SCFD1: variants seen among roughly 807,000 people sequenced by gnomAD.
SCFD1 encodes the protein sec1 family domain containing 1, also known as sec1 family domain-containing protein 1.
SCFD1 carries 37 observed loss-of-function variants against 103.2 expected under a neutral mutation model. The observed-to-expected ratio is 0.36, with a 90% CI of 0.28 to 0.47. The LOEUF is 0.47. SCFD1 is among the 20% of genes least tolerant of loss of function. The pLI is 1.00. For synonymous variants in SCFD1, 264 were observed against 245.0 expected (o/e 1.08, Z -0.73); for missense variants, 639 against 761.2 (o/e 0.84, Z 1.89).
Position 30,735,746 on chromosome 14 carries a change from A to G in SCFD1, c.*137A>G, listed in dbSNP as rs1893800207. 1.0e-5 allele frequency: 6 copies of G among 600,028 alleles called. No homozygotes were observed. The South Asian group carries it at 1.5e-4, about 15-fold the overall frequency. The allele number at this position is 600,028 out of a possible 1,614,324, so 37.2% of individuals were successfully genotyped here. A position where few individuals can be genotyped will look rare whatever the true frequency, so the allele number is the denominator to read the frequency against. On this transcript the variant is annotated 3_prime_UTR_variant, in exon 25 of 25. Transcript: ENST00000458591. Reference sequence around the variant, plus strand: ...AATCAGAGTTATTTGTTAATTTTTAAGGAAATTATATACTTAATATGTATT... The same window carrying G: ...AATCAGAGTTATTTGTTAATTTTTAGGGAAATTATATACTTAATATGTATT...
chr14:30,647,327 A>G (rs980583770), intron 7 of SCFD1, among the ~76,000 whole-genome samples: 5 of 152,102 alleles, frequency 3.3e-5, no homozygotes, highest in African/African-American at 1.2e-4. Flanking sequence ...TAGAGAATTT[A>G]TATGCAAATT....
At chr14:30,634,921 G>A (rs1258944721) in intron 4 of SCFD1, 1 of 455,940 alleles carries the variant, frequency 2.2e-6, no homozygotes, top group Non-Finnish European at 4.4e-6. Context: ...TTTCTCACTA[G>A]GTAGAATCAG....
chr14:30,652,563 C>T lies in SCFD1; in HGVS notation c.756-926C>T, dbSNP rs528045287. Among the ~76,000 whole-genome samples, 10 of 152,242 alleles carry T rather than the reference C, an allele frequency of 6.6e-5. No homozygotes were observed. In the South Asian group the frequency reaches 2.1e-3, roughly 32 times the overall value. On this transcript the variant is annotated intron_variant, in intron 9 of 24. Transcript: ENST00000458591. Reference sequence around the variant, plus strand: ...TCAAACATTTGTGTAAATTTATAAGCTCCTACTCTTTGTTTTCCCTGAAGC... The same window carrying T: ...TCAAACATTTGTGTAAATTTATAAGTTCCTACTCTTTGTTTTCCCTGAAGC...
At chr14:30,699,858 G>C (rs1484818992) in intron 15 of SCFD1, among the ~76,000 whole-genome samples, 2 of 152,100 alleles carry the variant, frequency 1.3e-5, no homozygotes, top group Non-Finnish European at 2.9e-5. Flanking sequence ...AAAGTATCCT[G>C]TTTCAGAATT....
intron 10 of SCFD1, among the ~76,000 whole-genome samples, chr14:30,659,094 GA>G (rs1887188592): frequency 6.6e-6 from 1 of 150,810 alleles, no homozygotes; most frequent in Non-Finnish European, 1.5e-5. Context: ...TGCTGTGTCT[GA>G]ACTTGGATTG....
At chr14:30,717,620 G>A (rs937894066) in intron 20 of SCFD1, among the ~76,000 whole-genome samples, 6 of 152,030 alleles carry the variant, frequency 3.9e-5, no homozygotes, top group African/African-American at 1.4e-4. Context: ...AGCATTTTGC[G>A]GTGGTTCAAG....
chr14:30,683,382 T>A, intron 14 of SCFD1: 1 of 543,182 alleles, frequency 1.8e-6, no homozygotes, highest in East Asian at 4.1e-5. Flanking sequence ...CCTCAGGTCT[T>A]CATATATTGT....
At chr14:30,667,868 G>C (rs1294849573) in intron 10 of SCFD1, among the ~76,000 whole-genome samples, 1 of 152,082 alleles carries the variant, frequency 6.6e-6, no homozygotes, top group Admixed American at 6.5e-5. Flanking sequence ...CCTCTTCAAG[G>C]AGAACTACAA....
chr14:30,722,782 T>C (rs1892741548), intron 23 of SCFD1: 1 of 320,446 alleles, frequency 3.1e-6, no homozygotes, highest in African/African-American at 2.1e-5. Context: ...ATCTTATTGA[T>C]ATAATGCACT....
intron 14 of SCFD1, among the ~76,000 whole-genome samples, chr14:30,692,899 C>T (rs1376958817): frequency 6.6e-6 from 1 of 152,134 alleles, no homozygotes; most frequent in Non-Finnish European, 1.5e-5. Flanking sequence ...TATCCTTTCT[C>T]ATGTAAATTA....
At chr14:30,644,081 C>A in intron 7 of SCFD1, 2 of 435,536 alleles carry the variant, frequency 4.6e-6, no homozygotes. Flanking sequence ...CTCCCACTTA[C>A]AAGTGAGAAC....
rs1883994650 is a variant in SCFD1, at chr14:30,630,503, A to G, written c.159A>G (p.Gln53=). Residue 53 remains glutamine (Q), a synonymous_variant, in exon 3 of 25, where the codon CAA becomes CAG. Transcript: ENST00000458591. ...WKVLIYDRFG[Q]DIISPLLSVK... ...TACTCATTTATGACAGATTTGGCCA[A>G]GATATAATCTCTCCTCTGCTATCTG... 1 of 1,603,568 alleles carries G rather than the reference A, an allele frequency of 6.2e-7. No homozygotes were observed. The highest frequency in any genetic ancestry group is 1.7e-5 in the Admixed American group (1 of 59,972).
intron 10 of SCFD1, among the ~76,000 whole-genome samples, chr14:30,654,535 G>A (rs1053390911): frequency 5.3e-5 from 8 of 152,188 alleles, no homozygotes; most frequent in African/African-American, 1.2e-4. Flanking sequence ...TTAGCCAAGC[G>A]TGGTGGCACA....
intron 16 of SCFD1, among the ~76,000 whole-genome samples, chr14:30,701,229 C>CT (rs200972183): frequency 0.012 from 1,854 of 152,316 alleles, 14 homozygotes; most frequent in Non-Finnish European, 0.02. Flanking sequence ...TATTTGCTCT[C>CT]AGCCATTCTG....
intron 14 of SCFD1, among the ~76,000 whole-genome samples, chr14:30,675,912 C>T (rs1243979344): frequency 6.6e-6 from 1 of 152,168 alleles, no homozygotes; most frequent in African/African-American, 2.4e-5. Context: ...TTTAAACCTG[C>T]ATAATTACTA....
chr14:30,717,284 T>A (rs2139397153), intron 20 of SCFD1, among the ~76,000 whole-genome samples: 1 of 152,278 alleles, frequency 6.6e-6, no homozygotes, highest in East Asian at 1.9e-4. Context: ...GAGACCAGCC[T>A]AGGCCATGTG....
In SCFD1 at chr14:30,649,591, C is replaced by T; in HGVS notation, c.669+8C>T. On this transcript the variant is annotated splice_region_variant and intron_variant, in intron 8 of 24. Transcript: ENST00000458591. ...GCAGAAATGGTAGCAGTGGTAAGTT[C>T]ATGCGGATATCACGTGGAGATAAAT... The T allele has an allele frequency of 6.4e-7, 1 of 1,565,200 alleles. No homozygotes were observed. The highest frequency in any genetic ancestry group is 8.6e-7 in the Non-Finnish European group (1 of 1,161,024).
At position 30,633,958 on chromosome 14, in the gene SCFD1, C is replaced by T. The variant is rs1261415080; in HGVS notation, c.233C>T (p.Ser78Phe). The T allele has an allele frequency of 1.3e-6, 2 of 1,587,882 alleles. No homozygotes were observed. The highest frequency in any genetic ancestry group is 1.7e-5 in the Admixed American group (1 of 57,190). ...CTTATGTCTTCTAGGCTTTTACACT[C>T]TGATCGAGATCCTATTCCAGATGTT... ...MGITLHLLLHSDRDPIPDVPA... is the reference protein window; with the variant it reads ...MGITLHLLLHFDRDPIPDVPA... Residue 78 changes from serine (S) to phenylalanine (F), a missense_variant, in exon 4 of 25, where the codon TCT (serine) becomes TTT (phenylalanine). Physicochemically the swap from Ser to Phe is radical, Grantham distance 155. Transcript: ENST00000458591.
chr14:30,728,486 G>A (rs1269718444), intron 23 of SCFD1, among the ~76,000 whole-genome samples: 1 of 152,192 alleles, frequency 6.6e-6, no homozygotes. Context: ...ATCCAAATGA[G>A]TGTGTATTCT....
Sources: gnomAD v4.1 joint callset for allele counts (sites outside exome capture counted in the v4.1 genomes callset) on GRCh38, gnomAD v4.1.1 for gene constraint, MANE v1.5 for transcripts, NCBI Gene and HGNC (gene_info 2026-07-23, HGNC 2026-07-21) for gene names.